The following UHMK1 variants were observed in gnomAD, a reference collection of about 807,000 sequenced individuals.
The protein encoded by UHMK1 is U2AF homology motif kinase 1.
In UHMK1, 18 loss-of-function variants were observed where a neutral mutation model predicts 44.0. The observed-to-expected ratio is 0.41, with a 90% CI of 0.28 to 0.61. The LOEUF is 0.61. UHMK1 is among the 20% of genes least tolerant of loss of function. The pLI is 0.31. For synonymous variants in UHMK1, 231 were observed against 198.5 expected, an observed-to-expected ratio of 1.16 and a Z score of -1.38; for missense variants, 463 against 522.5, an observed-to-expected ratio of 0.89 and a Z score of 1.11.
intron 3 of UHMK1, among the ~76,000 whole-genome samples, chr1:162,501,370 A>G (rs1354226205): frequency 1.3e-5 from 2 of 152,094 alleles, no homozygotes; most frequent in Non-Finnish European, 2.9e-5. Context: ...GAGTTTCACC[A>G]TGTTGGCCAG....
chr1:162,502,618 A>C (rs746947768), intron 3 of UHMK1, among the ~76,000 whole-genome samples: 3 of 152,106 alleles, frequency 2.0e-5, no homozygotes, highest in Non-Finnish European at 2.9e-5. Flanking sequence ...ATTTGTGTGA[A>C]ATTTAGAGGG....
intron 2 of UHMK1, 136 bp from the exon 3 acceptor site, chr1:162,500,776 TA>T: frequency 2.7e-6 from 2 of 750,616 alleles, no homozygotes; most frequent in South Asian, 2.0e-5. Context: ...AGAATTATGG[TA>T]ATCAAGGACT....
At position 162,524,760 on chromosome 1, in the gene UHMK1, CTGATACAT is replaced by C. The variant is rs1652184990; in HGVS notation, c.*2212_*2219del. 1 of 152,156 alleles carries C rather than the reference CTGATACAT, an allele frequency of 6.6e-6. No individual in the cohort carries two copies. The highest frequency in any genetic ancestry group is 6.6e-5 in the Admixed American group (1 of 15,266). 9.4% of individuals were successfully genotyped at this position (152,156 alleles called of 1,614,324 possible). A position where few individuals can be genotyped will look rare whatever the true frequency, so the allele number is the denominator to read the frequency against. Reference sequence around the variant, plus strand: ...GCATTCTTTGATTGTCATCTTATTGCTGATACATTCATACATATATTTAGTGCTTGACA... The same window carrying C: ...GCATTCTTTGATTGTCATCTTATTGCTCATACATATATTTAGTGCTTGACA... On this transcript the variant is annotated 3_prime_UTR_variant, in exon 8 of 8. Transcript: ENST00000489294.
At position 162,503,802 on chromosome 1, in the gene UHMK1, G is replaced by T. The variant is rs781311759; in HGVS notation, c.802G>T (p.Val268Leu). 1 of 1,614,094 alleles carries T rather than the reference G, an allele frequency of 6.2e-7. No individual in the cohort carries two copies. The highest frequency in any genetic ancestry group is 8.5e-7 in the Non-Finnish European group (1 of 1,180,010). The change falls in exon 4 of 8, where the codon GTG (valine) becomes TTG (leucine). Residue 268 changes from valine (V) to leucine (L), a missense_variant. By Grantham distance (32) the Val-to-Leu change is conservative. Around this residue, in one of 3 missense-constraint regions of UHMK1, gnomAD observed 264 missense variants for 326.3 expected, o/e 0.81. Coordinates refer to ENST00000489294, the MANE Select transcript of UHMK1 (RefSeq NM_175866.5). ...TCACATATTTGCCAGTAAAGCAGTG[G>T]TGAATGCCGCAATTCCAGCCTATCA... The part of the protein sequence containing the change: ...IDHIFASKAV[V>L]NAAIPAYHLR...
intron 4 of UHMK1, among the ~76,000 whole-genome samples, chr1:162,509,863 T>A (rs530073185): frequency 2.0e-5 from 3 of 152,030 alleles, no homozygotes; most frequent in African/African-American, 7.3e-5. Context: ...CAGGCTGGTC[T>A]CAAACTCCTG....
At chr1:162,512,883 T>TA in intron 6 of UHMK1, 60 bp downstream of exon 6, 1 of 1,435,138 alleles carries the variant, frequency 7.0e-7, no homozygotes, top group South Asian at 1.2e-5. Flanking sequence ...AGAATAAACA[T>TA]ATCCGTAACA....
At chr1:162,519,325 A>AT (rs1292902865) in intron 7 of UHMK1, among the ~76,000 whole-genome samples, 1 of 151,648 alleles carries the variant, frequency 6.6e-6, no homozygotes, top group East Asian at 1.9e-4. Flanking sequence ...TAAAAAAAAA[A>AT]AAAACAGTAA....
intron 3 of UHMK1, among the ~76,000 whole-genome samples, chr1:162,501,824 A>C (rs1308273022): frequency 1.3e-5 from 2 of 151,810 alleles, no homozygotes; most frequent in Non-Finnish European, 2.9e-5. Context: ...ATGGTGGCTC[A>C]CACCTGTAAT....
chr1:162,497,762 C>G (rs1651099063), upstream of UHMK1: 7 of 1,270,374 alleles, frequency 5.5e-6, no homozygotes, highest in East Asian at 3.2e-5. Context: ...CCCGCCCCTT[C>G]TGAGCCCCCC....
chr1:162,497,312 GA>G, upstream of UHMK1: 1 of 702,356 alleles, frequency 1.4e-6, no homozygotes, highest in South Asian at 1.5e-5. Flanking sequence ...AGGCTAGTCG[GA>G]CCCCCACTTC....
rs989844400 is a variant in UHMK1 at position 162,529,411 on chromosome 1, C to T, written c.*6861C>T. 6.6e-6 allele frequency: 1 copy of T among 152,136 alleles called. No individual in the cohort carries two copies. Among genetic ancestry groups the T allele is most frequent in the Non-Finnish European group, 1.5e-5 (1 of 68,008 alleles). The allele number at this position is 152,136 out of a possible 1,614,324, so 9.4% of individuals were successfully genotyped here. Reference sequence around the variant, plus strand: ...CTGAATAGCAAAGAACTTTTATTTTCCACTTTCCTATATTCCTAAAAAGTG... The same window carrying T: ...CTGAATAGCAAAGAACTTTTATTTTTCACTTTCCTATATTCCTAAAAAGTG... On this transcript the variant is annotated 3_prime_UTR_variant, in exon 8 of 8. Transcript: ENST00000489294.
Position 162,497,917 on chromosome 1 carries a change from G to A in UHMK1, c.-84G>A, listed in dbSNP as rs2101666008. 2 of 1,433,268 alleles carry A rather than the reference G, an allele frequency of 1.4e-6. No individual in the cohort carries two copies. Among genetic ancestry groups the A allele is most frequent in the Non-Finnish European group, 9.1e-7 (1 of 1,098,426 alleles). 88.8% of individuals were successfully genotyped at this position (1,433,268 alleles called of 1,614,324 possible). A position where few individuals can be genotyped will look rare whatever the true frequency, so the allele number is the denominator to read the frequency against. ...CCCTCCCTGCGGAGCCGCTGGTCCG[G>A]CTGGCGGAGATGTGACCGCGGGCCC... On this transcript the variant is annotated 5_prime_UTR_variant, in exon 1 of 8. Coordinates refer to ENST00000489294, the MANE Select transcript of UHMK1 (RefSeq NM_175866.5).
At chr1:162,497,393 C>G, upstream of UHMK1, 1 of 654,614 alleles carries the variant, frequency 1.5e-6, no homozygotes, top group Non-Finnish European at 2.8e-6. Flanking sequence ...TGGTTGGCGA[C>G]ACGGGGGGCT....
At chr1:162,522,327 T>A (rs1652087767) in intron 7 of UHMK1, 77 bp from the exon 8 acceptor site, 2 of 1,483,520 alleles carry the variant, frequency 1.3e-6, no homozygotes, top group Middle Eastern at 1.8e-4. Flanking sequence ...TTGATGTATA[T>A]ATATTAAAGG....
intron 6 of UHMK1, 78 bp downstream of exon 6, chr1:162,512,901 A>G: frequency 1.5e-6 from 2 of 1,325,154 alleles, no homozygotes; most frequent in Non-Finnish European, 2.1e-6. Flanking sequence ...ACATTTTCAT[A>G]TTTCTCAATT....
intron 4 of UHMK1, among the ~76,000 whole-genome samples, chr1:162,506,107 C>T (rs1030256093): frequency 6.6e-6 from 1 of 151,876 alleles, no homozygotes; most frequent in Non-Finnish European, 1.5e-5. Context: ...TTATAAATTG[C>T]ATTTTACATT....
At chr1:162,513,041 C>T (rs1265951675) in intron 6 of UHMK1, 2 of 407,132 alleles carry the variant, frequency 4.9e-6, no homozygotes, top group African/African-American at 2.3e-5. Context: ...CAACCTCTGC[C>T]TCCTGGGTTC....
At chr1:162,522,355 A>G (rs887812570) in intron 7 of UHMK1, 49 bp from the exon 8 acceptor site, 12 of 1,604,202 alleles carry the variant, frequency 7.5e-6, no homozygotes, top group Admixed American at 1.7e-5. Context: ...GCACTGGTCT[A>G]AAACAATCTT....
rs771381480 is a variant in UHMK1, at chr1:162,528,704, T to G, written c.*6154T>G. The G allele has an allele frequency of 6.6e-6, 1 of 152,168 alleles. No individual in the cohort carries two copies. Among genetic ancestry groups the G allele is most frequent in the Non-Finnish European group, 1.5e-5 (1 of 67,998 alleles). 9.4% of individuals were successfully genotyped at this position (152,168 alleles called of 1,614,324 possible). ...TTAAGCTGCATCTCTGTAGATTATT[T>G]ACTTTGCAGACTGTAAAGCTGCCCT... On this transcript the variant is annotated 3_prime_UTR_variant, in exon 8 of 8. Coordinates refer to ENST00000489294, the MANE Select transcript of UHMK1 (RefSeq NM_175866.5).
Sources: gnomAD v4.1 joint callset for allele counts (sites outside exome capture counted in the v4.1 genomes callset) on GRCh38, gnomAD v4.1.1 for gene constraint, gnomAD v4.1.1 regional missense constraint, MANE v1.5 for transcripts, NCBI Gene and HGNC (gene_info 2026-07-23, HGNC 2026-07-21) for gene names.